CNTLN: variants seen among roughly 807,000 people sequenced by gnomAD.
CNTLN encodes centlein, also known as centlein, centrosomal protein.
In CNTLN, 212 loss-of-function variants were observed where a neutral mutation model predicts 180.0. The ratio of observed to expected loss-of-function variants is 1.18; its 90% CI spans 1.05 to 1.32. CNTLN has a LOEUF of 1.32. Ranked by LOEUF, CNTLN falls within the 40% of genes most tolerant of loss-of-function variation. CNTLN has a pLI of 0.00. For synonymous variants in CNTLN, 722 were observed against 563.1 expected (o/e 1.28, Z -3.99); for missense variants, 2,095 against 1,610.9 (o/e 1.30, Z -5.14).
chr9:17,421,454 G>C (rs558077165), intron 18 of CNTLN, among the ~76,000 whole-genome samples: 6 of 151,820 alleles, frequency 4.0e-5, no homozygotes, highest in Non-Finnish European at 8.8e-5. Flanking sequence ...CAGTCCATGT[G>C]CATCTTTATA....
At chr9:17,274,487 ATCTATCTATCTATCTATGTATCTT>A (rs1828171157) in intron 6 of CNTLN, among the ~76,000 whole-genome samples, 2 of 146,366 alleles carry the variant, frequency 1.4e-5, no homozygotes, top group African/African-American at 2.5e-5. Flanking sequence ...CTATCTATCT[ATCTATCTATCTATCTATGTATCTT>A]TCTATCTATC....
At chr9:17,140,789 A>C (rs1461654171) in intron 1 of CNTLN, among the ~76,000 whole-genome samples, 1 of 152,178 alleles carries the variant, frequency 6.6e-6, no homozygotes, top group Admixed American at 6.5e-5. Context: ...TGTATACATA[A>C]AACATTATGT....
At chr9:17,193,672 G>C (rs1461245827) in intron 2 of CNTLN, among the ~76,000 whole-genome samples, 1 of 152,130 alleles carries the variant, frequency 6.6e-6, no homozygotes, top group Non-Finnish European at 1.5e-5. Flanking sequence ...GCTTTTCCAG[G>C]CAAATGGTGC....
the CNTLN span, among the ~76,000 whole-genome samples, chr9:17,527,665 G>C: frequency 2.0e-5 from 3 of 152,148 alleles, no homozygotes; most frequent in African/African-American, 7.2e-5. Context: ...AGACAGCCTG[G>C]AGGTAAAGGC....
rs771196926 is a variant in CNTLN at position 17,340,840 on chromosome 9, A to G, written c.1658A>G (p.Asp553Gly). 9 of 1,610,350 alleles carry G rather than the reference A, an allele frequency of 5.6e-6. No individual in the cohort carries two copies. Among genetic ancestry groups the G allele is most frequent in the Non-Finnish European group, 6.8e-6 (8 of 1,178,222 alleles). Reference sequence around the variant, plus strand: ...TGTGTTCTACAGAGCCAAGAAAATGATGAGCTAAGAGATGCCCATGAAAAA... The same window carrying G: ...TGTGTTCTACAGAGCCAAGAAAATGGTGAGCTAAGAGATGCCCATGAAAAA... ...KALQLKSQEN[D>G]ELRDAHEKRK... The change falls in exon 11 of 26, where the codon GAT becomes GGT. Residue 553 changes from aspartate to glycine, a missense_variant. Physicochemically the swap from Asp to Gly is moderately conservative, Grantham distance 94. Coordinates refer to ENST00000380647, the MANE Select transcript of CNTLN (RefSeq NM_017738.4).
intron 5 of CNTLN, among the ~76,000 whole-genome samples, chr9:17,256,520 G>A (rs1826499547): frequency 6.7e-6 from 1 of 150,034 alleles, no homozygotes; most frequent in Non-Finnish European, 1.5e-5. Flanking sequence ...TAGTGATTTT[G>A]AGCATTTCTT....
intron 2 of CNTLN, among the ~76,000 whole-genome samples, chr9:17,156,997 A>G (rs1455355935): frequency 6.6e-6 from 1 of 152,222 alleles, no homozygotes; most frequent in Admixed American, 6.5e-5. Context: ...GTAGAAAGAT[A>G]CTGGAGGCTG....
intron 8 of CNTLN, among the ~76,000 whole-genome samples, chr9:17,313,368 C>T (rs945722571): frequency 6.6e-6 from 1 of 151,326 alleles, no homozygotes; most frequent in African/African-American, 2.4e-5. Context: ...TCCTGTTTTT[C>T]GTTTCTCTGC....
rs552296025 is a variant in CNTLN, at chr9:17,214,257, C to CA, written c.450-11942dup. On this transcript the variant is annotated intron_variant, in intron 2 of 25. Coordinates refer to ENST00000380647, the MANE Select transcript of CNTLN (RefSeq NM_017738.4). ...TCTTGTAGGGCAGGCCTGGTGGTGACAAAATCTCTCAGCATTTGCTTGTCT... is the reference window on the plus strand; with the variant it reads ...TCTTGTAGGGCAGGCCTGGTGGTGACAAAAATCTCTCAGCATTTGCTTGTCT... Among the ~76,000 whole-genome samples the CA allele has an allele frequency of 7.9e-3, 1,203 of 152,268 alleles. 13 individuals are homozygous for CA. The highest frequency in any genetic ancestry group is 9.5e-3 in the Non-Finnish European group (643 of 68,032).
intron 23 of CNTLN, among the ~76,000 whole-genome samples, chr9:17,478,023 C>G (rs1429184844): frequency 6.6e-6 from 1 of 152,188 alleles, no homozygotes; most frequent in African/African-American, 2.4e-5. Context: ...AACCATCACC[C>G]TAATTTGTCA....
At chr9:17,452,958 A>G (rs766766903) in intron 18 of CNTLN, among the ~76,000 whole-genome samples, 3 of 152,204 alleles carry the variant, frequency 2.0e-5, no homozygotes, top group Non-Finnish European at 4.4e-5. Flanking sequence ...GAGGCAATTT[A>G]TATTTCTAGC....
At chr9:17,182,721 T>A (rs1420812074) in intron 2 of CNTLN, among the ~76,000 whole-genome samples, 7 of 152,224 alleles carry the variant, frequency 4.6e-5, no homozygotes, top group Non-Finnish European at 8.8e-5. Flanking sequence ...TCTCTTACCC[T>A]TATATACCAT....
intron 6 of CNTLN, among the ~76,000 whole-genome samples, chr9:17,285,849 GTTGT>G (rs1191320686): frequency 3.3e-5 from 3 of 90,138 alleles, no homozygotes; most frequent in Non-Finnish European, 6.1e-5. Context: ...TTTTGATGGG[GTTGT>G]TTGTTTTTTT....
chr9:17,433,549 G>C (rs1346443546), intron 18 of CNTLN, among the ~76,000 whole-genome samples: 4 of 151,928 alleles, frequency 2.6e-5, no homozygotes, highest in Non-Finnish European at 5.9e-5. Context: ...GCCTCCCAAA[G>C]TGCTAGGATT....
intron 12 of CNTLN, among the ~76,000 whole-genome samples, chr9:17,347,696 A>G (rs1372365185): frequency 6.6e-6 from 1 of 150,790 alleles, no homozygotes; most frequent in East Asian, 1.9e-4. Flanking sequence ...AAGAAAAAGG[A>G]AAAGAAAAAG....
chr9:17,198,283 A>G (rs1188649623), intron 2 of CNTLN, among the ~76,000 whole-genome samples: 2 of 150,598 alleles, frequency 1.3e-5, no homozygotes, highest in South Asian at 2.1e-4. Context: ...TATCCTTGGT[A>G]TTTTGATAGG....
chr9:17,141,657 G>T (rs530436878), intron 1 of CNTLN, among the ~76,000 whole-genome samples: 1 of 152,174 alleles, frequency 6.6e-6, no homozygotes, highest in African/African-American at 2.4e-5. Context: ...TACATAGCTG[G>T]GCAAGAGACG....
In CNTLN at chr9:17,468,808, A is replaced by G. The variant is rs148396880; in HGVS notation, c.3855+1917A>G. 9.0e-3 allele frequency among the ~76,000 whole-genome samples: 1,367 copies of G among 151,864 alleles called. 25 individuals are homozygous for G. Among genetic ancestry groups the G allele is most frequent in the Admixed American group, 0.04 (602 of 15,210 alleles). On this transcript the variant is annotated intron_variant, in intron 23 of 25. Transcript: ENST00000380647. ...CTTTATATCCAATGATATAAATAGT[A>G]TTTAATGATGAAGTGGGTATCTAAA...
chr9:17,452,007 A>G (rs1224325989), intron 18 of CNTLN, among the ~76,000 whole-genome samples: 3 of 152,156 alleles, frequency 2.0e-5, no homozygotes, highest in Non-Finnish European at 2.9e-5. Context: ...ACTGCTTGTA[A>G]ACTAGTTGGA....
Sources: allele counts gnomAD v4.1 joint callset (sites outside exome capture counted in the v4.1 genomes callset), GRCh38; gene constraint gnomAD v4.1.1; transcripts MANE v1.5; gene names NCBI Gene and HGNC (gene_info 2026-07-23, HGNC 2026-07-21).